The following PLPP3 variants were observed in gnomAD, a reference collection of about 807,000 sequenced individuals.
PLPP3 encodes the protein phospholipid phosphatase 3.
PLPP3 carries 6 observed loss-of-function variants against 29.6 expected under a neutral mutation model. The ratio of observed to expected loss-of-function variants is 0.20; its 90% confidence interval spans 0.11 to 0.40. The LOEUF is 0.40. Among genes scored for constraint, PLPP3 ranks in the 10% least tolerant of loss-of-function variants. PLPP3 has a pLI of 1.00. For synonymous variants in PLPP3, 152 were observed against 159.7 expected (o/e 0.95, Z 0.36); for missense variants, 308 against 407.7 (o/e 0.76, Z 2.11).
At chr1:56,546,262 G>A (rs1646005613) in intron 1 of PLPP3, among the ~76,000 whole-genome samples, 2 of 152,120 alleles carry the variant, frequency 1.3e-5, no homozygotes, top group South Asian at 4.2e-4. Context: ...CTGTCTGTGG[G>A]TTGCCATTCT....
chr1:56,574,107 G>C (rs1646218834), intron 1 of PLPP3, among the ~76,000 whole-genome samples: 1 of 151,868 alleles, frequency 6.6e-6, no homozygotes, highest in Non-Finnish European at 1.5e-5. Context: ...GGCTGAGGCA[G>C]GAGAATCGCT....
At chr1:56,562,036 C>CAAA (rs71048439) in intron 1 of PLPP3, among the ~76,000 whole-genome samples, 8 of 50,968 alleles carry the variant, frequency 1.6e-4, no homozygotes, top group African/African-American at 5.1e-4. Flanking sequence ...CTCCGTTTCA[C>CAAA]AAAAAAAAAA....
At chr1:56,523,938 G>A in intron 3 of PLPP3, 58 bp from the exon 4 acceptor site, 1 of 1,557,018 alleles carries the variant, frequency 6.4e-7, no homozygotes, top group Non-Finnish European at 8.8e-7. Flanking sequence ...ATACACACTT[G>A]TCTGTCTGTC....
chr1:56,559,516 T>C (rs1322080442), intron 1 of PLPP3, among the ~76,000 whole-genome samples: 2 of 151,986 alleles, frequency 1.3e-5, no homozygotes, highest in African/African-American at 4.8e-5. Flanking sequence ...CCTCCCAAAA[T>C]GCTGGGATTA....
chr1:56,512,230 C>G, intron 4 of PLPP3, 78 bp from the exon 5 acceptor site: 1 of 1,287,894 alleles, frequency 7.8e-7, no homozygotes, highest in Non-Finnish European at 1.0e-6. Flanking sequence ...GTGACACACA[C>G]TACATTTCTA....
chr1:56,577,374 G>GA (rs1001459263), intron 1 of PLPP3, among the ~76,000 whole-genome samples: 3 of 152,284 alleles, frequency 2.0e-5, no homozygotes, highest in Admixed American at 2.0e-4. Context: ...GTGGAAATGG[G>GA]ATGTGCCACC....
At chr1:56,560,427 T>C (rs1646113756) in intron 1 of PLPP3, among the ~76,000 whole-genome samples, 1 of 152,236 alleles carries the variant, frequency 6.6e-6, no homozygotes, top group South Asian at 2.1e-4. Flanking sequence ...CATAACCTTT[T>C]GAACAATTAG....
intron 1 of PLPP3, among the ~76,000 whole-genome samples, chr1:56,559,870 GTATTCTAAGAT>G (rs1197643928): frequency 1.3e-5 from 2 of 152,148 alleles, no homozygotes; most frequent in African/African-American, 4.8e-5. Flanking sequence ...TTCATCTCCT[GTATTCTAAGAT>G]TATTCTAAAG....
intron 5 of PLPP3, among the ~76,000 whole-genome samples, chr1:56,499,952 C>A (rs1645656143): frequency 1.3e-5 from 2 of 152,168 alleles, no homozygotes; most frequent in African/African-American, 4.8e-5. Flanking sequence ...TGCCAGCCCA[C>A]AATCCTACTC....
At chr1:56,538,516 A>C in intron 1 of PLPP3, 1 of 409,758 alleles carries the variant, frequency 2.4e-6, no homozygotes, top group Non-Finnish European at 4.8e-6. Context: ...GTTAGAAAAC[A>C]TGGAGTTGTT....
chr1:56,505,479 A>T (rs1645696301), intron 5 of PLPP3, among the ~76,000 whole-genome samples: 1 of 152,198 alleles, frequency 6.6e-6, no homozygotes, highest in African/African-American at 2.4e-5. Context: ...GCATGGGTCC[A>T]CTTAAACACA....
At chr1:56,578,767 C>A (rs1384946048) in intron 1 of PLPP3, 111 bp downstream of exon 1, 1 of 1,191,598 alleles carries the variant, frequency 8.4e-7, no homozygotes, top group Non-Finnish European at 1.1e-6. Context: ...CGGGGGCCCC[C>A]CGGAGCTGAC....
At chr1:56,575,419 C>G (rs1361198324) in intron 1 of PLPP3, among the ~76,000 whole-genome samples, 1 of 152,142 alleles carries the variant, frequency 6.6e-6, no homozygotes, top group Non-Finnish European at 1.5e-5. Context: ...AGTTGGAAAT[C>G]AAAAAACATC....
intron 5 of PLPP3, among the ~76,000 whole-genome samples, chr1:56,509,816 G>A (rs1241051658): frequency 7.8e-6 from 1 of 127,586 alleles, no homozygotes. Context: ...TAGCCTGGGT[G>A]AGAGAGCGAG....
At chr1:56,550,049 G>A (rs1242014431) in intron 1 of PLPP3, among the ~76,000 whole-genome samples, 1 of 152,148 alleles carries the variant, frequency 6.6e-6, no homozygotes, top group Non-Finnish European at 1.5e-5. Flanking sequence ...AAGGGACGCT[G>A]GGTCCGGCTG....
chr1:56,570,077 A>T (rs1343938265), intron 1 of PLPP3, among the ~76,000 whole-genome samples: 1 of 152,220 alleles, frequency 6.6e-6, no homozygotes, highest in African/African-American at 2.4e-5. Context: ...CCTTAAGGCC[A>T]TGGAAACCCT....
intron 1 of PLPP3, among the ~76,000 whole-genome samples, chr1:56,556,174 C>A (rs561022310): frequency 1.3e-4 from 20 of 152,082 alleles, no homozygotes; most frequent in Non-Finnish European, 2.6e-4. Context: ...AGTGGTCACC[C>A]CCAGCACCTT....
chr1:56,517,371 G>A (rs1422025255), intron 4 of PLPP3, among the ~76,000 whole-genome samples: 1 of 152,202 alleles, frequency 6.6e-6, no homozygotes, highest in Non-Finnish European at 1.5e-5. Flanking sequence ...AAGAATTTTC[G>A]ATTGACTTTT....
At position 56,496,311 on chromosome 1, in the gene PLPP3, A is replaced by G. The variant is rs1645630752; in HGVS notation, c.*240T>C. 2 of 392,878 alleles carry G rather than the reference A, an allele frequency of 5.1e-6. No homozygotes were observed. Among genetic ancestry groups the G allele is most frequent in the Non-Finnish European group, 9.4e-6 (2 of 212,200 alleles). 24.3% of individuals were successfully genotyped at this position (392,878 alleles called of 1,614,324 possible). A position where few individuals can be genotyped will look rare whatever the true frequency, so the allele number is the denominator to read the frequency against. On this transcript the variant is annotated 3_prime_UTR_variant, in exon 6 of 6. Transcript: ENST00000371250. ...ACAAGCTGTGTTCACTAGAACATGAACACTTAAACCAATTGCACATCCAGG... is the reference window on the plus strand; with the variant it reads ...ACAAGCTGTGTTCACTAGAACATGAGCACTTAAACCAATTGCACATCCAGG...
Sources: gnomAD v4.1 joint callset for allele counts (sites outside exome capture counted in the v4.1 genomes callset) on GRCh38, gnomAD v4.1.1 for gene constraint, MANE v1.5 for transcripts, NCBI Gene and HGNC (gene_info 2026-07-23, HGNC 2026-07-21) for gene names.